Variants in CCDC183 observed in about 807,000 individuals in gnomAD.
The protein encoded by CCDC183 is coiled-coil domain containing 183, also known as coiled-coil domain-containing protein 183.
In CCDC183, 63 loss-of-function variants were observed where a neutral mutation model predicts 65.2. The ratio of observed to expected loss-of-function variants is 0.97; its 90% CI spans 0.79 to 1.19. The LOEUF (loss-of-function observed/expected upper bound fraction) is 1.19, where lower values mean the gene tolerates loss of function less well. Ranked by LOEUF, CCDC183 falls within the 50% of genes most tolerant of loss-of-function variation. The pLI is 0.00. For missense variants in CCDC183, 769 were observed against 689.3 expected, an observed-to-expected ratio of 1.12 and a Z score of -1.30; for synonymous variants, 323 against 276.5, an observed-to-expected ratio of 1.17 and a Z score of -1.67.
At chr9:136,798,871 CCACCTGTCCACCTCCCCG>C (rs1847693487) in intron 1 of CCDC183, among the ~76,000 whole-genome samples, 1 of 152,238 alleles carries the variant, frequency 6.6e-6, no homozygotes, top group African/African-American at 2.4e-5. Flanking sequence ...CTCACCCTCC[CCACCTGTCCACCTCCCCG>C]CACCTGTCCA....
chr9:136,805,030 C>G, intron 8 of CCDC183: 1 of 602,306 alleles, frequency 1.7e-6, no homozygotes, highest in Non-Finnish European at 2.9e-6. Flanking sequence ...AAGGGCCCTG[C>G]ACCAAGGGCC....
At chr9:136,802,575 T>C in intron 5 of CCDC183, 89 bp from the exon 6 acceptor site, 1 of 1,505,444 alleles carries the variant, frequency 6.6e-7, no homozygotes, top group Non-Finnish European at 8.9e-7. Flanking sequence ...AACCTATCAC[T>C]GTTCTCAGGG....
intron 6 of CCDC183, among the ~76,000 whole-genome samples, chr9:136,803,727 C>G (rs1847790626): frequency 6.6e-6 from 1 of 152,110 alleles, no homozygotes; most frequent in Non-Finnish European, 1.5e-5. Flanking sequence ...CAGGTGTGGC[C>G]AGGGCTAGGG....
Position 136,806,130 on chromosome 9 carries a change from T to A in CCDC183, c.1001T>A (p.Leu334Gln). ...AGGAACACGGAGGAGAACCTGGAGC[T>A]GCAGATGGAGGACTGTGAGGAGTGG... Reference protein sequence around the residue: ...AQRNTEENLELQMEDCEEWRV... With the variant: ...AQRNTEENLEQQMEDCEEWRV... The change falls in exon 10 of 14, where the codon CTG (leucine) becomes CAG (glutamine). Residue 334 changes from leucine to glutamine, a missense_variant. Coordinates refer to ENST00000338005, the MANE Select transcript of CCDC183 (RefSeq NM_001039374.5). 1 of 1,558,246 alleles carries A rather than the reference T, an allele frequency of 6.4e-7. No homozygotes were observed. The highest frequency in any genetic ancestry group is 1.2e-5 in the South Asian group (1 of 84,676).
intron 1 of CCDC183, among the ~76,000 whole-genome samples, chr9:136,797,102 G>T (rs1417807050): frequency 2.0e-5 from 3 of 152,156 alleles, no homozygotes; most frequent in Non-Finnish European, 4.4e-5. Context: ...GGAGAAAACC[G>T]CTCTGTGGCT....
In CCDC183 at chr9:136,799,123, T is replaced by C. The variant is rs1173227497; in HGVS notation, c.92T>C (p.Ile31Thr). The change falls in exon 2 of 14, where the codon ATC (isoleucine) becomes ACC (threonine). Residue 31 changes from isoleucine (I) to threonine (T), a missense_variant. Ile to Thr is a moderately conservative substitution (Grantham distance 89). Transcript: ENST00000338005. ...ACAGAGCAGTGTCGGGCACTCCAGA[T>C]CCAAGGGGTGAAAGAGAATATGGAC... ...QLQEQCRALQ[I>T]QGVKENMDQN... 31 of 1,613,276 alleles carry C rather than the reference T, an allele frequency of 1.9e-5. No individual in the cohort carries two copies. Among genetic ancestry groups the C allele is most frequent in the Non-Finnish European group, 2.5e-5 (30 of 1,179,868 alleles).
chr9:136,806,827 A>T lies in CCDC183; in HGVS notation c.1349A>T (p.Tyr450Phe). 4.3e-6 allele frequency: 7 copies of T among 1,613,588 alleles called. No individual in the cohort carries two copies. Among genetic ancestry groups the T allele is most frequent in the Non-Finnish European group, 5.9e-6 (7 of 1,180,008 alleles). ...GCGTACTGCGAGGGGAAGCTCACGT[A>T]CCTGGCTGACAGAGTGCAGATGGTG... is the stretch of plus-strand genomic sequence containing the variant. Reference protein sequence around the residue: ...KLAYCEGKLTYLADRVQMVSR... With the variant: ...KLAYCEGKLTFLADRVQMVSR... Residue 450 changes from tyrosine (Y) to phenylalanine (F), a missense_variant, in exon 12 of 14, where the codon TAC (tyrosine) becomes TTC (phenylalanine). Transcript: ENST00000338005.
chr9:136,800,256 CG>C, intron 4 of CCDC183, 87 bp downstream of exon 4: 1 of 832,282 alleles, frequency 1.2e-6, no homozygotes, highest in East Asian at 3.9e-5. Context: ...GCGGGACTTG[CG>C]GGTCCCCTGG....
intron 13 of CCDC183, 108 bp from the exon 14 acceptor site, chr9:136,807,464 G>A: frequency 2.2e-6 from 3 of 1,365,524 alleles, no homozygotes; most frequent in Non-Finnish European, 2.9e-6. Flanking sequence ...GCTGTCCCTG[G>A]GGCAAGGCAC....
intron 11 of CCDC183, 29 bp from the exon 12 acceptor site, chr9:136,806,728 G>A (rs1459084071): frequency 2.7e-5 from 44 of 1,613,322 alleles, no homozygotes; most frequent in Non-Finnish European, 3.6e-5. Flanking sequence ...GGGCCAGAGG[G>A]GAGATGAGAC....
Position 136,797,500 on chromosome 9 carries a change from G to A in CCDC183, c.70+1033G>A, listed in dbSNP as rs149104696. Among the ~76,000 whole-genome samples the A allele has an allele frequency of 8.6e-4, 130 of 151,024 alleles. 4 individuals carry two copies. The East Asian group carries it at 0.02, about 23-fold the overall frequency. On this transcript the variant is annotated intron_variant, in intron 1 of 13. Transcript: ENST00000338005. ...GTTGCCCAGACGGCAGTGCAGTGGCGCGATCTCGGCTCACTGCAAGCTCCA... is the reference window on the plus strand; with the variant it reads ...GTTGCCCAGACGGCAGTGCAGTGGCACGATCTCGGCTCACTGCAAGCTCCA...
intron 5 of CCDC183, chr9:136,800,696 A>G: frequency 1.7e-6 from 1 of 580,642 alleles, no homozygotes; most frequent in East Asian, 2.9e-5. Flanking sequence ...CGTGGGGTAT[A>G]TCAGAATTCT....
rs1847872176 is a variant in CCDC183, at chr9:136,807,084, G to A, written c.1486+18G>A. 6.2e-7 allele frequency: 1 copy of A among 1,611,346 alleles called. No individual in the cohort carries two copies. ...TATGATCGGTACAGGCCCCGGAACT[G>A]GGGCCCGGGCTGCAGGCGGGTGGCT... On this transcript the variant is annotated intron_variant, in intron 13 of 13. Transcript: ENST00000338005.
chr9:136,800,223 G>C, intron 4 of CCDC183, 54 bp downstream of exon 4: 1 of 1,386,030 alleles, frequency 7.2e-7, no homozygotes, highest in Non-Finnish European at 9.7e-7. Context: ...CAAGACTCAC[G>C]GGAGGGGCGG....
chr9:136,804,424 A>G lies in CCDC183; in HGVS notation c.667-78A>G, dbSNP rs1847805539. The G allele has an allele frequency of 1.3e-6, 2 of 1,525,740 alleles. No homozygotes were observed. Among genetic ancestry groups the G allele is most frequent in the South Asian group, 2.4e-5 (2 of 81,680 alleles). The allele number at this position is 1,525,740 out of a possible 1,614,324, so 94.5% of individuals were successfully genotyped here. ...AAGTCTAGTAAGGTGAGCATGGCCA[A>G]CCGCCCGCTGGCTTTACTGCCATTA... On this transcript the variant is annotated intron_variant, in intron 6 of 13. Transcript: ENST00000338005. The surrounding 1 kb of genome is among the most constrained non-coding windows in gnomAD (Gnocchi z 4.1).
At position 136,804,327 on chromosome 9, in the gene CCDC183, C is replaced by A. The variant is rs115789630; in HGVS notation, c.667-175C>A. On this transcript the variant is annotated intron_variant, in intron 6 of 13. Transcript: ENST00000338005. The surrounding 1 kb of genome is among the most constrained non-coding windows in gnomAD (Gnocchi z 4.1). Reference sequence around the variant, plus strand: ...GCTCTGAGGCATGGGCAAGGAGGGCCGTGAGCTGAGGGGCCACGGGCACAA... The same window carrying A: ...GCTCTGAGGCATGGGCAAGGAGGGCAGTGAGCTGAGGGGCCACGGGCACAA... 1.2e-5 allele frequency: 10 copies of A among 819,464 alleles called. No individual in the cohort carries two copies. In the Admixed American group the frequency reaches 2.6e-4, roughly 21 times the overall value. 50.8% of individuals were successfully genotyped at this position (819,464 alleles called of 1,614,324 possible).
chr9:136,806,842 T>A lies in CCDC183; in HGVS notation c.1364T>A (p.Val455Glu). The A allele has an allele frequency of 6.2e-7, 1 of 1,613,374 alleles. No homozygotes were observed. The change falls in exon 12 of 14, where the codon GTG (valine) becomes GAG (glutamate). Residue 455 changes from valine to glutamate, a missense_variant. Transcript: ENST00000338005. Reference sequence around the variant, plus strand: ...AAGCTCACGTACCTGGCTGACAGAGTGCAGATGGTGTCCAGGACCGAGGAG... The same window carrying A: ...AAGCTCACGTACCTGGCTGACAGAGAGCAGATGGTGTCCAGGACCGAGGAG... ...EGKLTYLADR[V>E]QMVSRTEEGD...
intron 5 of CCDC183, among the ~76,000 whole-genome samples, chr9:136,801,939 T>C (rs1404204563): frequency 3.3e-5 from 5 of 151,818 alleles, no homozygotes; most frequent in Non-Finnish European, 7.4e-5. Context: ...AGGCGCCCAC[T>C]ACCACGCCCG....
chr9:136,801,304 C>T (rs1847733477), intron 5 of CCDC183, among the ~76,000 whole-genome samples: 1 of 151,924 alleles, frequency 6.6e-6, no homozygotes, highest in Non-Finnish European at 1.5e-5. Context: ...CTCTATGCTT[C>T]CTGGGCCCAC....
Sources: allele counts gnomAD v4.1 joint callset (sites outside exome capture counted in the v4.1 genomes callset), GRCh38; gene constraint gnomAD v4.1.1; non-coding constraint Gnocchi (gnomAD v3.1); transcripts MANE v1.5; gene names NCBI Gene and HGNC (gene_info 2026-07-23, HGNC 2026-07-21).